NKAIN3: variants seen among roughly 807,000 people sequenced by gnomAD.
The protein encoded by NKAIN3 is sodium/potassium-transporting ATPase subunit beta-1-interacting protein 3.
A neutral mutation model predicts 30.2 loss-of-function variants in NKAIN3; 25 were observed. The ratio of observed to expected loss-of-function variants is 0.83; its 90% CI spans 0.60 to 1.16. The LOEUF (loss-of-function observed/expected upper bound fraction) is 1.16, where lower values mean the gene tolerates loss of function less well. Among genes scored for constraint, NKAIN3 ranks in the 50% most tolerant of loss-of-function variants. NKAIN3 has a pLI of 0.00. For missense variants in NKAIN3, 225 were observed against 254.1 expected (o/e 0.89, Z 0.78); for synonymous variants, 91 against 89.6 (o/e 1.02, Z -0.09).
chr8:62,673,447 A>G lies in NKAIN3; in HGVS notation c.274-73485A>G, dbSNP rs548515015. ...GTACAATCTTTATGACTTGCCACACATGAAAAAGGAAGGGACCAAAGAGAT... is the reference window on the plus strand; with the variant it reads ...GTACAATCTTTATGACTTGCCACACGTGAAAAAGGAAGGGACCAAAGAGAT... On this transcript the variant is annotated intron_variant, in intron 3 of 6. Coordinates refer to ENST00000623646, the MANE Select transcript of NKAIN3 (RefSeq NM_001304533.3). Among the ~76,000 whole-genome samples the G allele has an allele frequency of 2.6e-5, 4 of 152,326 alleles. No individual in the cohort carries two copies. In the South Asian group the frequency reaches 8.3e-4, roughly 32 times the overall value.
chr8:62,279,262 C>G (rs1585626410), intron 1 of NKAIN3, among the ~76,000 whole-genome samples: 1 of 152,082 alleles, frequency 6.6e-6, no homozygotes, highest in Admixed American at 6.6e-5. Context: ...TTTGTAGATT[C>G]TGGATATTAG....
chr8:62,582,615 C>T (rs554275662), intron 2 of NKAIN3, among the ~76,000 whole-genome samples: 24 of 152,016 alleles, frequency 1.6e-4, no homozygotes, highest in Admixed American at 1.3e-3. Context: ...GGGTCTGGGC[C>T]GGAGGCACCA....
intron 3 of NKAIN3, among the ~76,000 whole-genome samples, chr8:62,689,754 C>T (rs987060642): frequency 6.6e-6 from 1 of 151,938 alleles, no homozygotes; most frequent in Non-Finnish European, 1.5e-5. Context: ...ATCTCTTTGA[C>T]CCTGGAATTC....
intron 4 of NKAIN3, among the ~76,000 whole-genome samples, chr8:62,812,228 T>C (rs1818509951): frequency 6.6e-6 from 1 of 151,984 alleles, no homozygotes; most frequent in South Asian, 2.1e-4. Context: ...CACACTCTCA[T>C]AACTACAACT....
intron 4 of NKAIN3, among the ~76,000 whole-genome samples, chr8:62,811,874 A>G (rs1191707148): frequency 1.3e-5 from 2 of 151,824 alleles, no homozygotes; most frequent in Non-Finnish European, 2.9e-5. Context: ...TTTTCCTTCC[A>G]TGGATCATGC....
intron 3 of NKAIN3, among the ~76,000 whole-genome samples, chr8:62,709,263 C>T (rs4436119): frequency 0.86 from 130,425 of 152,144 alleles, 56,062 homozygotes; most frequent in Admixed American, 0.89. Context: ...ATTCCTTCTT[C>T]CTCCATCTTG....
At chr8:62,929,175 C>T (rs1183325431) in intron 5 of NKAIN3, among the ~76,000 whole-genome samples, 1 of 152,180 alleles carries the variant, frequency 6.6e-6, no homozygotes, top group Non-Finnish European at 1.5e-5. Context: ...ACTTCAGAAG[C>T]AGCTTCATAC....
At chr8:62,632,637 G>A (rs1304354372) in intron 3 of NKAIN3, among the ~76,000 whole-genome samples, 1 of 151,928 alleles carries the variant, frequency 6.6e-6, no homozygotes, top group Non-Finnish European at 1.5e-5. Flanking sequence ...CGAGTAGCTG[G>A]GATTACAGCC....
intron 5 of NKAIN3, among the ~76,000 whole-genome samples, chr8:62,995,032 A>G (rs909093506): frequency 1.3e-5 from 2 of 152,212 alleles, no homozygotes; most frequent in African/African-American, 4.8e-5. Context: ...ATCCAGAATA[A>G]TAATAGAGTA....
chr8:62,589,798 A>G lies in NKAIN3; in HGVS notation c.273+4A>G. The stretch of plus-strand genomic sequence containing the variant: ...GGAAGTAGGTGGACTCTCAAAGGTG[A>G]GTTTATCATGCTTTTAAAGTACACT... On this transcript the variant is annotated splice_donor_region_variant and intron_variant, in intron 3 of 6. Transcript: ENST00000623646. The G allele has an allele frequency of 6.5e-7, 1 of 1,547,124 alleles. No homozygotes were observed. The highest frequency in any genetic ancestry group is 1.1e-5 in the South Asian group (1 of 89,006).
chr8:62,276,346 G>T (rs560061752), intron 1 of NKAIN3, among the ~76,000 whole-genome samples: 2 of 152,188 alleles, frequency 1.3e-5, no homozygotes, highest in African/African-American at 4.8e-5. Context: ...GATTACAGGA[G>T]TGAGCCACTG....
In NKAIN3 at chr8:62,806,467, T is replaced by C. The variant is rs528987818; in HGVS notation, c.471+59338T>C. On this transcript the variant is annotated intron_variant, in intron 4 of 6. Transcript: ENST00000623646. ...GGCACATATACACCATGGAATACTA[T>C]GTAGCCATAAAAAATGATGAGTTCA... Among the ~76,000 whole-genome samples the C allele has an allele frequency of 2.0e-5, 3 of 152,298 alleles. No homozygotes were observed. In the East Asian group the frequency reaches 5.8e-4, roughly 29 times the overall value.
intron 4 of NKAIN3, chr8:62,864,057 G>A: frequency 1.5e-6 from 1 of 689,624 alleles, no homozygotes; most frequent in East Asian, 2.7e-5. Context: ...GGGCCTGAAT[G>A]GGCAACACTT....
intron 2 of NKAIN3, among the ~76,000 whole-genome samples, chr8:62,581,859 CCCATCCTCACTCCCTTCCTT>C (rs1810308712): frequency 6.5e-5 from 1 of 15,422 alleles, no homozygotes; most frequent in African/African-American, 2.0e-4. Context: ...CTCCCTCCCA[CCCATCCTCACTCCCTTCCTT>C]CTACCCTTCC....
At chr8:62,276,354 C>G (rs756041283) in intron 1 of NKAIN3, among the ~76,000 whole-genome samples, 5 of 152,228 alleles carry the variant, frequency 3.3e-5, no homozygotes, top group Non-Finnish European at 5.9e-5. Flanking sequence ...GAGTGAGCCA[C>G]TGCGCCCAGC....
intron 3 of NKAIN3, among the ~76,000 whole-genome samples, chr8:62,628,571 C>T (rs905440643): frequency 4.6e-5 from 7 of 152,020 alleles, no homozygotes; most frequent in Non-Finnish European, 1.0e-4. Context: ...TTAAGTAATT[C>T]TTCTAGCCTG....
chr8:62,735,321 C>T (rs896981527), intron 3 of NKAIN3, among the ~76,000 whole-genome samples: 2 of 149,268 alleles, frequency 1.3e-5, no homozygotes, highest in East Asian at 1.9e-4. Flanking sequence ...TCTTTGTCTT[C>T]GCTGGATTGG....
chr8:62,617,032 C>T (rs1811476333), intron 3 of NKAIN3, among the ~76,000 whole-genome samples: 1 of 151,810 alleles, frequency 6.6e-6, no homozygotes, highest in South Asian at 2.1e-4. Context: ...GTGGCACCTT[C>T]TCCCTCTCTC....
At chr8:62,464,740 T>C (rs1474868661) in intron 1 of NKAIN3, among the ~76,000 whole-genome samples, 1 of 152,186 alleles carries the variant, frequency 6.6e-6, no homozygotes, top group African/African-American at 2.4e-5. Flanking sequence ...AGTTTTTTAG[T>C]CCTGACTCTG....
Sources: allele counts gnomAD v4.1 joint callset (sites outside exome capture counted in the v4.1 genomes callset), GRCh38; gene constraint gnomAD v4.1.1; transcripts MANE v1.5; gene names NCBI Gene and HGNC (gene_info 2026-07-23, HGNC 2026-07-21).